The following MTIF3 variants were observed in gnomAD, a reference collection of about 807,000 sequenced individuals.
MTIF3 encodes the protein translation initiation factor IF-3, mitochondrial.
In MTIF3, 13 loss-of-function variants were observed where a neutral mutation model predicts 20.7. The ratio of observed to expected loss-of-function variants is 0.63; its 90% CI spans 0.41 to 1.00. The LOEUF (loss-of-function observed/expected upper bound fraction) is 1.00. Among genes scored for constraint, MTIF3 ranks in the 50% least tolerant of loss-of-function variants. MTIF3 has a pLI of 0.00. For missense variants in MTIF3, 295 were observed against 324.5 expected (o/e 0.91, Z 0.70); for synonymous variants, 114 against 112.5 (o/e 1.01, Z -0.08).
chr13:27,450,552 A>G lies in MTIF3; in HGVS notation c.-114T>C, dbSNP rs557402064. 7.2e-6 allele frequency: 1 copy of G among 139,470 alleles called. No individual in the cohort carries two copies. Among genetic ancestry groups the G allele is most frequent in the East Asian group, 1.9e-4 (1 of 5,198 alleles). The allele number at this position is 139,470 out of a possible 1,614,324, so 8.6% of individuals were successfully genotyped here. A position where few individuals can be genotyped will look rare whatever the true frequency, so the allele number is the denominator to read the frequency against. On this transcript the variant is annotated 5_prime_UTR_variant, in exon 1 of 5. Transcript: ENST00000381120. ...TTGACATACTGTAGCGGACGCAAGT[A>G]CAGCGGATCTGCGGCGAGTCCCCTT...
intron 2 of MTIF3, 129 bp downstream of exon 2, chr13:27,444,959 C>G (rs1315483098): frequency 6.6e-6 from 1 of 152,124 alleles, no homozygotes; most frequent in Admixed American, 6.6e-5. Context: ...CACTGTCATT[C>G]ATTTCAATAT....
intron 1 of MTIF3, chr13:27,449,925 G>A (rs1388682455): frequency 1.3e-5 from 2 of 152,232 alleles, no homozygotes; most frequent in Non-Finnish European, 1.5e-5. Context: ...CCCACTAAAT[G>A]ACAAATGAGA....
At chr13:27,438,459 C>A (rs1169401824) in intron 3 of MTIF3, among the ~76,000 whole-genome samples, 1 of 148,288 alleles carries the variant, frequency 6.7e-6, no homozygotes, top group African/African-American at 2.5e-5. Flanking sequence ...CACAGCACTC[C>A]AGCCTGGGCA....
intron 1 of MTIF3, among the ~76,000 whole-genome samples, chr13:27,445,773 C>G (rs926225019): frequency 6.6e-6 from 1 of 152,156 alleles, no homozygotes; most frequent in Non-Finnish European, 1.5e-5. Flanking sequence ...GAACCTGATG[C>G]AGGGTCTAGC....
chr13:27,447,120 G>GTCGGCA (rs1403115279), intron 1 of MTIF3, among the ~76,000 whole-genome samples: 3 of 144,186 alleles, frequency 2.1e-5, no homozygotes, highest in South Asian at 2.2e-4. Flanking sequence ...ACCACGGCCT[G>GTCGGCA]TCGGCATCAC....
rs1218825 is a variant in MTIF3, at chr13:27,435,783, G to T, written c.729C>A (p.Phe243Leu). 4 of 1,613,984 alleles carry T rather than the reference G, an allele frequency of 2.5e-6. No individual in the cohort carries two copies. Among genetic ancestry groups the T allele is most frequent in the African/African-American group, 1.3e-5 (1 of 74,888 alleles). Residue 243 changes from phenylalanine to leucine, a missense_variant, in exon 5 of 5, where the codon TTC becomes TTA. Physicochemically the swap from Phe to Leu is conservative, Grantham distance 22. Coordinates refer to ENST00000381120, the MANE Select transcript of MTIF3 (RefSeq NM_152912.5). ...GKALMCVLRA[F>L]SKNEEKAYKE... ...TATATGCCTTCTCCTCATTTTTGCT[G>T]AAAGCACGAAGAACACACATTAAAG... is the stretch of plus-strand genomic sequence containing the variant.
intron 4 of MTIF3, among the ~76,000 whole-genome samples, chr13:27,436,743 C>G (rs992820973): frequency 9.2e-6 from 1 of 109,108 alleles, no homozygotes; most frequent in African/African-American, 3.4e-5. Flanking sequence ...AGATTTTCTA[C>G]AATTTTTTTT....
chr13:27,450,359 C>T (rs1426160631), intron 1 of MTIF3, 150 bp downstream of exon 1: 1 of 152,306 alleles, frequency 6.6e-6, no homozygotes, highest in Admixed American at 6.5e-5. Flanking sequence ...GACTCCGCAG[C>T]AGGACCTGCG....
chr13:27,436,877 C>A (rs557018072), intron 4 of MTIF3, among the ~76,000 whole-genome samples: 2 of 151,528 alleles, frequency 1.3e-5, no homozygotes, highest in African/African-American at 2.4e-5. Flanking sequence ...TCAGCTTCCC[C>A]AGTAGCTGGG....
chr13:27,449,385 A>C (rs1387965038), intron 1 of MTIF3, among the ~76,000 whole-genome samples: 1 of 151,662 alleles, frequency 6.6e-6, no homozygotes, highest in Non-Finnish European at 1.5e-5. Context: ...GACCTTCCTC[A>C]CCTTAAATAA....
At chr13:27,436,647 C>G (rs1314286208) in intron 4 of MTIF3, among the ~76,000 whole-genome samples, 2 of 151,754 alleles carry the variant, frequency 1.3e-5, no homozygotes, top group Non-Finnish European at 2.9e-5. Flanking sequence ...ACTATATCTA[C>G]AGTATGCTTA....
At chr13:27,436,346 GACTCT>G (rs1440592622) in intron 4 of MTIF3, among the ~76,000 whole-genome samples, 2 of 152,112 alleles carry the variant, frequency 1.3e-5, no homozygotes, top group South Asian at 2.1e-4. Context: ...ATGCTTAAGT[GACTCT>G]ACTGTGGAGC....
chr13:27,445,054 TAATTAAATA>T (rs1566087678), intron 2 of MTIF3, 25 bp downstream of exon 2: 2 of 152,230 alleles, frequency 1.3e-5, no homozygotes, highest in Non-Finnish European at 2.9e-5. Flanking sequence ...TGAAAATTGC[TAATTAAATA>T]AAAAGAACTG....
At chr13:27,436,674 T>C (rs528343095) in intron 4 of MTIF3, among the ~76,000 whole-genome samples, 1 of 151,542 alleles carries the variant, frequency 6.6e-6, no homozygotes, top group South Asian at 2.1e-4. Context: ...AAAAGCAAAC[T>C]AGAAAGCTGT....
At chr13:27,450,290 C>T (rs1954325298) in intron 1 of MTIF3, 1 of 152,300 alleles carries the variant, frequency 6.6e-6, no homozygotes, top group South Asian at 2.1e-4. Context: ...TCTAACATCC[C>T]TCGGAAGTTC....
Position 27,435,716 on chromosome 13 carries a change from C to CTT in MTIF3, c.794_795dup (p.Asp266LysfsTer?), listed in dbSNP as rs764335123. 24 of 1,614,142 alleles carry CTT rather than the reference C, an allele frequency of 1.5e-5. No homozygotes were observed. The African/African-American group carries it at 2.8e-4, about 19-fold the overall frequency. On this transcript the variant is annotated frameshift_variant, in exon 5 of 5. Coordinates refer to ENST00000381120, the MANE Select transcript of MTIF3 (RefSeq NM_152912.5). LOFTEE classifies it low-confidence loss of function (END_TRUNC). ...TTTGATTCCTTATCATTTCCATGGT[C>CTT]TTTGTTCAAAGTGTCTCTTTCCTGG...
chr13:27,444,162 T>A (rs2386552), intron 2 of MTIF3, among the ~76,000 whole-genome samples: 1 of 152,078 alleles, frequency 6.6e-6, no homozygotes, highest in African/African-American at 2.4e-5. Flanking sequence ...AAAAATTAGC[T>A]GGGCGTGGTG....
chr13:27,438,481 C>CTTTT (rs1566082029), intron 3 of MTIF3, among the ~76,000 whole-genome samples: 3 of 52,064 alleles, frequency 5.8e-5, no homozygotes, highest in Admixed American at 2.9e-4. Context: ...CAGAGCAAGA[C>CTTTT]TGTTTTTTTT....
chr13:27,450,452 C>T (rs1241010558), intron 1 of MTIF3, 57 bp downstream of exon 1: 2 of 152,398 alleles, frequency 1.3e-5, no homozygotes, highest in Non-Finnish European at 2.9e-5. Flanking sequence ...CCCCTAAGGC[C>T]ACGCCCTCCC....
Sources: allele counts gnomAD v4.1 joint callset (sites outside exome capture counted in the v4.1 genomes callset), GRCh38; gene constraint gnomAD v4.1.1; transcripts MANE v1.5; gene names NCBI Gene and HGNC (gene_info 2026-07-23, HGNC 2026-07-21).